Variants in RALGAPA2 observed in about 807,000 individuals in gnomAD.
RALGAPA2 encodes the protein ral GTPase-activating protein subunit alpha-2.
Under a neutral mutation model 230.4 loss-of-function variants are expected in RALGAPA2, and 139 were observed. The observed-to-expected ratio is 0.60, with a 90% CI of 0.53 to 0.69. The LOEUF is 0.69. Among genes scored for constraint, RALGAPA2 ranks in the 30% least tolerant of loss-of-function variants. The pLI is 0.00. For synonymous variants in RALGAPA2, 847 were observed against 837.8 expected, an observed-to-expected ratio of 1.01 and a Z score of -0.19; for missense variants, 2,163 against 2,276.0, an observed-to-expected ratio of 0.95 and a Z score of 1.01.
At chr20:20,519,967 G>A (rs1182170601) in intron 31 of RALGAPA2, among the ~76,000 whole-genome samples, 7 of 152,042 alleles carry the variant, frequency 4.6e-5, no homozygotes, top group Non-Finnish European at 1.0e-4. Context: ...ACAGACTCAA[G>A]TGGTCCTGTG....
chr20:20,462,618 G>A lies in RALGAPA2; in HGVS notation c.5495+10211C>T, dbSNP rs181342843. 3.4e-3 allele frequency among the ~76,000 whole-genome samples: 522 copies of A among 152,254 alleles called. 6 individuals carry two copies. Among genetic ancestry groups the A allele is most frequent in the African/African-American group, 0.012 (492 of 41,554 alleles). ...TAAAACAGAAAGGACACCCTTTCAA[G>A]GCTAACATGATGGCATTTGGGTCGT... On this transcript the variant is annotated intron_variant, in intron 37 of 39. Coordinates refer to ENST00000202677, the MANE Select transcript of RALGAPA2 (RefSeq NM_020343.4).
Position 20,629,418 on chromosome 20 carries a change from C to T in RALGAPA2, c.1178G>A (p.Arg393Gln), listed in dbSNP as rs751230247. ...ATAACCTCGTGTTGACAAGAGAATCCGCTGTACCATTTCATACACCATTCG... is the reference window on the plus strand; with the variant it reads ...ATAACCTCGTGTTGACAAGAGAATCTGCTGTACCATTTCATACACCATTCG... ...EHRMVYEMVQRILLSTRGYVN... is the reference protein window; with the variant it reads ...EHRMVYEMVQQILLSTRGYVN... Residue 393 changes from arginine to glutamine, a missense_variant, in exon 10 of 40, where the codon CGG becomes CAG. Coordinates refer to ENST00000202677, the MANE Select transcript of RALGAPA2 (RefSeq NM_020343.4). 42 of 1,613,414 alleles carry T rather than the reference C, an allele frequency of 2.6e-5. No individual in the cohort carries two copies. The highest frequency in any genetic ancestry group is 3.3e-4 in the Middle Eastern group (2 of 6,082).
intron 37 of RALGAPA2, among the ~76,000 whole-genome samples, chr20:20,467,408 T>C (rs2061441981): frequency 6.6e-6 from 1 of 152,224 alleles, no homozygotes. Context: ...CATCCTTTAA[T>C]CCTTTTTGAA....
intron 4 of RALGAPA2, among the ~76,000 whole-genome samples, chr20:20,649,875 A>G (rs1235019539): frequency 6.6e-6 from 1 of 152,158 alleles, no homozygotes; most frequent in African/African-American, 2.4e-5. Context: ...ACTCTCTATC[A>G]GTTCTAATTA....
Position 20,505,483 on chromosome 20 carries a change from G to T in RALGAPA2, c.4980C>A (p.Asp1660Glu). ...TTTCATTAGAGAGGATTGAACACTT[G>T]TCTTCTTGACCTTCAGCAATGTAAA... ...AVFYIAEGQE[D>E]KCSILSNERG... Residue 1660 changes from aspartate (D) to glutamate (E), a missense_variant, in exon 34 of 40, where the codon GAC becomes GAA. Physicochemically the swap from Asp to Glu is conservative, Grantham distance 45. Coordinates refer to ENST00000202677, the MANE Select transcript of RALGAPA2 (RefSeq NM_020343.4). 1 of 1,605,300 alleles carries T rather than the reference G, an allele frequency of 6.2e-7. No individual in the cohort carries two copies. Among genetic ancestry groups the T allele is most frequent in the Non-Finnish European group, 8.5e-7 (1 of 1,175,114 alleles).
chr20:20,585,478 C>T (rs1178034309), intron 18 of RALGAPA2, among the ~76,000 whole-genome samples: 1 of 152,058 alleles, frequency 6.6e-6, no homozygotes, highest in East Asian at 1.9e-4. Context: ...AATCTGCATC[C>T]TCTAATAAGT....
At chr20:20,549,974 A>G (rs2063878233) in intron 23 of RALGAPA2, among the ~76,000 whole-genome samples, 1 of 152,194 alleles carries the variant, frequency 6.6e-6, no homozygotes, top group Admixed American at 6.5e-5. Flanking sequence ...CAGGTTTTTC[A>G]AAGTGACTCA....
chr20:20,702,506 T>C (rs916858106), intron 1 of RALGAPA2, among the ~76,000 whole-genome samples: 13 of 152,194 alleles, frequency 8.5e-5, no homozygotes, highest in Admixed American at 7.2e-4. Context: ...TAGGAAGTCC[T>C]CAAGCCAAAG....
chr20:20,412,657 A>G (rs531856627), intron 37 of RALGAPA2, among the ~76,000 whole-genome samples: 4 of 152,364 alleles, frequency 2.6e-5, no homozygotes, highest in African/African-American at 9.6e-5. Context: ...AGGGGGCATC[A>G]GAGCCTCTAA....
intron 38 of RALGAPA2, among the ~76,000 whole-genome samples, chr20:20,410,434 CAAACAAA>C (rs936081236): frequency 2.0e-5 from 3 of 151,960 alleles, no homozygotes; most frequent in Non-Finnish European, 4.4e-5. Context: ...GTTAAACAAA[CAAACAAA>C]AAACAAAAAA....
chr20:20,546,893 T>C, intron 23 of RALGAPA2, 61 bp from the exon 24 acceptor site: 4 of 1,488,306 alleles, frequency 2.7e-6, no homozygotes, highest in Non-Finnish European at 2.7e-6. Context: ...TCCAAAGTAG[T>C]GTTTGTAGTG....
chr20:20,664,069 G>C (rs557608459), intron 3 of RALGAPA2, among the ~76,000 whole-genome samples: 35 of 152,328 alleles, frequency 2.3e-4, no homozygotes, highest in Non-Finnish European at 4.1e-4. Flanking sequence ...AGGATGGTGA[G>C]AGATTTCACC....
At chr20:20,702,403 C>T (rs2069418660) in intron 1 of RALGAPA2, among the ~76,000 whole-genome samples, 1 of 152,122 alleles carries the variant, frequency 6.6e-6, no homozygotes, top group Non-Finnish European at 1.5e-5. Flanking sequence ...GACCACGATG[C>T]AGGTCTGACC....
intron 1 of RALGAPA2, among the ~76,000 whole-genome samples, chr20:20,709,912 GTCCTA>G (rs1191898850): frequency 6.6e-6 from 1 of 152,072 alleles, no homozygotes; most frequent in Non-Finnish European, 1.5e-5. Flanking sequence ...CAAAATACTG[GTCCTA>G]TCCTATTAAT....
chr20:20,473,027 G>T, intron 36 of RALGAPA2, 71 bp from the exon 37 acceptor site: 1 of 1,480,280 alleles, frequency 6.8e-7, no homozygotes, highest in South Asian at 1.3e-5. Context: ...GAGAGTAGCT[G>T]ACTGATGTCA....
intron 14 of RALGAPA2, among the ~76,000 whole-genome samples, chr20:20,610,282 T>C (rs1396618960): frequency 1.3e-5 from 2 of 152,220 alleles, no homozygotes; most frequent in Non-Finnish European, 2.9e-5. Flanking sequence ...TTCACACTGT[T>C]CACTTTCAGT....
At chr20:20,547,716 T>C (rs772989003) in intron 23 of RALGAPA2, among the ~76,000 whole-genome samples, 1 of 152,188 alleles carries the variant, frequency 6.6e-6, no homozygotes, top group African/African-American at 2.4e-5. Flanking sequence ...CTGTTGGCCA[T>C]GTACATTAAT....
chr20:20,674,089 A>G (rs1683489925), intron 3 of RALGAPA2, among the ~76,000 whole-genome samples: 4 of 151,978 alleles, frequency 2.6e-5, no homozygotes, highest in Admixed American at 2.6e-4. Context: ...CCACCTACTC[A>G]GGAGGCTGAG....
intron 23 of RALGAPA2, among the ~76,000 whole-genome samples, chr20:20,568,552 C>A (rs960370059): frequency 6.6e-6 from 1 of 152,180 alleles, no homozygotes; most frequent in Non-Finnish European, 1.5e-5. Context: ...CATGAGACAT[C>A]TACTTTACAA....
Sources: gnomAD v4.1 joint callset for allele counts (sites outside exome capture counted in the v4.1 genomes callset) on GRCh38, gnomAD v4.1.1 for gene constraint, MANE v1.5 for transcripts, NCBI Gene and HGNC (gene_info 2026-07-23, HGNC 2026-07-21) for gene names.